The following KCND3 variants were observed in gnomAD, a reference collection of about 807,000 sequenced individuals.
The protein encoded by KCND3 is potassium voltage-gated channel subfamily D member 3, also known as A-type voltage-gated potassium channel KCND3.
A neutral mutation model predicts 51.1 loss-of-function variants in KCND3; 9 were observed. That is an observed-to-expected ratio of 0.18 (90% CI 0.11 to 0.31). The LOEUF is 0.31. Among genes scored for constraint, KCND3 ranks in the 10% least tolerant of loss-of-function variants. The pLI is 1.00. For synonymous variants in KCND3, 349 were observed against 368.0 expected (o/e 0.95, Z 0.59); for missense variants, 526 against 903.8 (o/e 0.58, Z 5.36).
chr1:111,797,530 C>T lies in KCND3; in HGVS notation c.1107-10424G>A, dbSNP rs550457488. 2.8e-4 allele frequency among the ~76,000 whole-genome samples: 42 copies of T among 152,292 alleles called. 1 individual carries two copies. Among genetic ancestry groups the T allele is most frequent in the Non-Finnish European group, 1.8e-4 (12 of 68,032 alleles). On this transcript the variant is annotated intron_variant, in intron 2 of 7. Coordinates refer to ENST00000302127, the MANE Select transcript of KCND3 (RefSeq NM_001378969.1). Reference sequence around the variant, plus strand: ...AGGTATGTCCTCTGCCCTCAAGGAGCTTATGATGTTTATAGGGAAGACAGA... The same window carrying T: ...AGGTATGTCCTCTGCCCTCAAGGAGTTTATGATGTTTATAGGGAAGACAGA...
chr1:111,957,944 G>T lies in KCND3; in HGVS notation c.1106+23677C>A, dbSNP rs149545195. On this transcript the variant is annotated intron_variant, in intron 2 of 7. Coordinates refer to ENST00000302127, the MANE Select transcript of KCND3 (RefSeq NM_001378969.1). ...AGGGCATGTTGGTGGGGTAAAAAGA[G>T]GGGGGAAAGCACTCTCCAGTTGAGG... Among the ~76,000 whole-genome samples the T allele has an allele frequency of 1.6e-4, 25 of 152,276 alleles. 1 individual carries two copies. Among genetic ancestry groups the T allele is most frequent in the African/African-American group, 4.8e-4 (20 of 41,548 alleles).
intron 2 of KCND3, among the ~76,000 whole-genome samples, chr1:111,879,124 C>T (rs1306021949): frequency 6.6e-6 from 1 of 152,210 alleles, no homozygotes; most frequent in Non-Finnish European, 1.5e-5. Flanking sequence ...GAACTACACA[C>T]CAACTCTCCT....
chr1:111,850,070 T>C (rs2101661451), intron 2 of KCND3, among the ~76,000 whole-genome samples: 1 of 152,256 alleles, frequency 6.6e-6, no homozygotes, highest in East Asian at 1.9e-4. Flanking sequence ...ATCAGACATC[T>C]CACCGCGCTC....
rs1666673638 is a variant in KCND3 at position 111,828,340 on chromosome 1, TG to T, written c.1107-41235del. Reference sequence around the variant, plus strand: ...CTACCTGTGGCCATCTCAAAATAATTGTCTCATTTTATGGGCTTCTGTCTGG... The same window carrying T: ...CTACCTGTGGCCATCTCAAAATAATTTCTCATTTTATGGGCTTCTGTCTGG... On this transcript the variant is annotated intron_variant, in intron 2 of 7. Transcript: ENST00000302127. Among the ~76,000 whole-genome samples, 3 of 152,278 alleles carry T rather than the reference TG, an allele frequency of 2.0e-5. No individual in the cohort carries two copies. The South Asian group carries it at 6.2e-4, about 32-fold the overall frequency.
intron 2 of KCND3, among the ~76,000 whole-genome samples, chr1:111,809,810 C>G (rs1336051270): frequency 6.6e-6 from 1 of 152,124 alleles, no homozygotes; most frequent in Non-Finnish European, 1.5e-5. Flanking sequence ...CAAAAATGAC[C>G]AAGACAGGGT....
At chr1:111,853,622 G>T (rs1182267259) in intron 2 of KCND3, 1 of 152,082 alleles carries the variant, frequency 6.6e-6, no homozygotes, top group African/African-American at 2.4e-5. Flanking sequence ...TTTCACACAC[G>T]GTCCATGATG....
intron 2 of KCND3, among the ~76,000 whole-genome samples, chr1:111,787,945 A>G (rs544057478): frequency 6.6e-6 from 1 of 152,212 alleles, no homozygotes; most frequent in East Asian, 1.9e-4. Flanking sequence ...GCTTTTGTCT[A>G]TTTTCCAGTA....
chr1:111,785,024 G>A (rs145645222), intron 3 of KCND3, among the ~76,000 whole-genome samples: 9 of 152,188 alleles, frequency 5.9e-5, no homozygotes, highest in Non-Finnish European at 1.2e-4. Context: ...ACTCCATCCT[G>A]GGCAACATAG....
chr1:111,872,301 G>T (rs1359592746), intron 2 of KCND3, among the ~76,000 whole-genome samples: 1 of 152,186 alleles, frequency 6.6e-6, no homozygotes, highest in African/African-American at 2.4e-5. Flanking sequence ...ACAGAAAAGT[G>T]CTCTGAGGTT....
intron 2 of KCND3, among the ~76,000 whole-genome samples, chr1:111,817,350 A>T (rs939403825): frequency 1.3e-5 from 2 of 152,182 alleles, no homozygotes; most frequent in African/African-American, 4.8e-5. Flanking sequence ...TGGGAAAGTG[A>T]CTTGGCAATA....
intron 2 of KCND3, among the ~76,000 whole-genome samples, chr1:111,844,139 A>G (rs1667448120): frequency 6.6e-6 from 1 of 152,098 alleles, no homozygotes; most frequent in African/African-American, 2.4e-5. Context: ...CACTCACTCA[A>G]CCACTCAACA....
chr1:111,853,565 C>T (rs1667918735), intron 2 of KCND3, among the ~76,000 whole-genome samples: 1 of 152,242 alleles, frequency 6.6e-6, no homozygotes, highest in African/African-American at 2.4e-5. Flanking sequence ...CCCCGGCACT[C>T]CATAGCCTCA....
At position 111,788,297 on chromosome 1, in the gene KCND3, T is replaced by C. The variant is rs140324708; in HGVS notation, c.1107-1191A>G. Among the ~76,000 whole-genome samples, 265 of 152,356 alleles carry C rather than the reference T, an allele frequency of 1.7e-3. 3 individuals carry two copies. Among genetic ancestry groups the C allele is most frequent in the African/African-American group, 6.2e-3 (257 of 41,588 alleles). ...CACCATCTCCCCTGCCTCTGTGCCC[T>C]CTGGGTGTCTGGAGCAGAAACAAGC... is the stretch of plus-strand genomic sequence containing the variant. On this transcript the variant is annotated intron_variant, in intron 2 of 7. Transcript: ENST00000302127.
chr1:111,881,987 G>C (rs1363248885), intron 2 of KCND3, among the ~76,000 whole-genome samples: 1 of 152,140 alleles, frequency 6.6e-6, no homozygotes, highest in East Asian at 1.9e-4. Context: ...CCTGGGAACG[G>C]AACACCATGG....
chr1:111,784,102 A>ATC (rs1236451217), intron 3 of KCND3, among the ~76,000 whole-genome samples: 18 of 103,606 alleles, frequency 1.7e-4, no homozygotes, highest in African/African-American at 3.4e-4. Flanking sequence ...GCATTAACTT[A>ATC]TCACACACAC....
At chr1:111,825,733 G>A (rs749916570) in intron 2 of KCND3, among the ~76,000 whole-genome samples, 15 of 152,092 alleles carry the variant, frequency 9.9e-5, no homozygotes, top group Non-Finnish European at 2.2e-4. Context: ...CTTACATATT[G>A]TGTGTATAAT....
At chr1:111,798,472 C>T (rs1665155915) in intron 2 of KCND3, among the ~76,000 whole-genome samples, 2 of 152,102 alleles carry the variant, frequency 1.3e-5, no homozygotes, top group East Asian at 1.9e-4. Flanking sequence ...GTCTATTTCC[C>T]CTATTGAAAT....
At chr1:111,792,568 G>C (rs531961152) in intron 2 of KCND3, among the ~76,000 whole-genome samples, 1 of 152,128 alleles carries the variant, frequency 6.6e-6, no homozygotes, top group South Asian at 2.1e-4. Flanking sequence ...TTAAAAGCGT[G>C]GTCTCTGAGT....
intron 2 of KCND3, among the ~76,000 whole-genome samples, chr1:111,867,483 A>G (rs1159963633): frequency 2.0e-5 from 3 of 152,214 alleles, no homozygotes; most frequent in Non-Finnish European, 4.4e-5. Flanking sequence ...GGTGAGGCTG[A>G]CTTTGGAAGG....
Sources: gnomAD v4.1 joint callset for allele counts (sites outside exome capture counted in the v4.1 genomes callset) on GRCh38, gnomAD v4.1.1 for gene constraint, MANE v1.5 for transcripts, NCBI Gene and HGNC (gene_info 2026-07-23, HGNC 2026-07-21) for gene names.